Variants in SCN4B observed in about 807,000 individuals in gnomAD.
SCN4B encodes the protein sodium channel regulatory subunit beta-4.
In SCN4B, 20 loss-of-function variants were observed where a neutral mutation model predicts 19.6. That is an observed-to-expected ratio of 1.02 (90% CI 0.72 to 1.48). The LOEUF is 1.48. Ranked by LOEUF, SCN4B falls within the 40% of genes most tolerant of loss-of-function variation. The probability of loss-of-function intolerance (pLI) is 0.00; values close to 1 mark genes in which losing one functional copy is unlikely to be tolerated. For synonymous variants in SCN4B, 127 were observed against 122.8 expected (o/e 1.03, Z -0.22); for missense variants, 271 against 287.5 (o/e 0.94, Z 0.42).
rs1161432226 is a variant in SCN4B at position 118,135,521 on chromosome 11, C to T, written c.*1506G>A. On this transcript the variant is annotated 3_prime_UTR_variant, in exon 5 of 5. Coordinates refer to ENST00000324727, the MANE Select transcript of SCN4B (RefSeq NM_174934.4). ...CACTTTTCCCTGCCATCCCTGGCCT[C>T]ACCAATTCTGCCCAACAAGGACTCA... 1 of 454,082 alleles carries T rather than the reference C, an allele frequency of 2.2e-6. No individual in the cohort carries two copies. Among genetic ancestry groups the T allele is most frequent in the Admixed American group, 2.3e-5 (1 of 42,574 alleles). The allele number at this position is 454,082 out of a possible 1,614,324, so 28.1% of individuals were successfully genotyped here.
intron 4 of SCN4B, 85 bp downstream of exon 4, chr11:118,141,122 C>A: frequency 6.7e-7 from 1 of 1,501,012 alleles, no homozygotes; most frequent in Non-Finnish European, 9.2e-7. Flanking sequence ...AAGGAGGAGG[C>A]AGGTGGAAGG....
In SCN4B at chr11:118,135,320, A is replaced by G. The variant is rs941482296; in HGVS notation, c.*1707T>C. The stretch of plus-strand genomic sequence containing the variant: ...CTGGTCCTCAGTCTCCCCCCACTCC[A>G]CCCTTGCGAGGCTTGCAGCTGCTTT... On this transcript the variant is annotated 3_prime_UTR_variant, in exon 5 of 5. Coordinates refer to ENST00000324727, the MANE Select transcript of SCN4B (RefSeq NM_174934.4). The G allele has an allele frequency of 1.8e-5, 8 of 453,444 alleles. No individual in the cohort carries two copies. The highest frequency in any genetic ancestry group is 1.6e-4 in the African/African-American group (8 of 49,754). 28.1% of individuals were successfully genotyped at this position (453,444 alleles called of 1,614,324 possible). A position where few individuals can be genotyped will look rare whatever the true frequency, so the allele number is the denominator to read the frequency against.
rs561265492 is a variant in SCN4B at position 118,135,587 on chromosome 11, G to A, written c.*1440C>T. 56 of 454,096 alleles carry A rather than the reference G, an allele frequency of 1.2e-4. No individual in the cohort carries two copies. Among genetic ancestry groups the A allele is most frequent in the African/African-American group, 1.1e-3 (53 of 50,088 alleles). 28.1% of individuals were successfully genotyped at this position (454,096 alleles called of 1,614,324 possible). ...AACATCACCACCTCCCCCTAGGGCAGGCTAGAAACCCCAATGGGAGCACCT... is the reference window on the plus strand; with the variant it reads ...AACATCACCACCTCCCCCTAGGGCAAGCTAGAAACCCCAATGGGAGCACCT... On this transcript the variant is annotated 3_prime_UTR_variant, in exon 5 of 5. Transcript: ENST00000324727.
At chr11:118,145,355 C>G in intron 1 of SCN4B, 126 bp from the exon 2 acceptor site, 1 of 1,543,076 alleles carries the variant, frequency 6.5e-7, no homozygotes, top group Admixed American at 1.9e-5. Context: ...GTGCCAACCT[C>G]GGGAGGATGG....
rs575624562 is a variant in SCN4B, at chr11:118,145,708, G to C, written c.62-479C>G. ...GCGGGGCGGTCGAGGAGGGGGAAGA[G>C]CCGGGTCCCGTAAGGTGAAGAAGAG... On this transcript the variant is annotated intron_variant, in intron 1 of 4. Coordinates refer to ENST00000324727, the MANE Select transcript of SCN4B (RefSeq NM_174934.4). The C allele has an allele frequency of 4.5e-5, 14 of 308,758 alleles. No homozygotes were observed. The East Asian group carries it at 1.2e-3, about 26-fold the overall frequency. The allele number at this position is 308,758 out of a possible 1,614,324, so 19.1% of individuals were successfully genotyped here.
intron 3 of SCN4B, 90 bp downstream of exon 3, chr11:118,143,743 G>A (rs546231686): frequency 2.7e-5 from 23 of 864,720 alleles, no homozygotes; most frequent in Non-Finnish European, 3.9e-5. Flanking sequence ...ACACCAACAC[G>A]GTCCATTTTG....
At chr11:118,150,152 T>C (rs1182689457) in intron 1 of SCN4B, among the ~76,000 whole-genome samples, 1 of 152,028 alleles carries the variant, frequency 6.6e-6, no homozygotes, top group Non-Finnish European at 1.5e-5. Flanking sequence ...TAAACACAGA[T>C]CACAGCAATT....
At position 118,136,881 on chromosome 11, in the gene SCN4B, G is replaced by A. The variant is rs911878549; in HGVS notation, c.*146C>T. ...GGGAAGGGGATGGGCAGGCTGGGCA[G>A]GACTCTGGTTTCTTGTGCCCGGAAA... On this transcript the variant is annotated 3_prime_UTR_variant, in exon 5 of 5. Coordinates refer to ENST00000324727, the MANE Select transcript of SCN4B (RefSeq NM_174934.4). 1.3e-5 allele frequency: 9 copies of A among 707,264 alleles called. No homozygotes were observed. Among genetic ancestry groups the A allele is most frequent in the Non-Finnish European group, 2.3e-5 (9 of 387,738 alleles). The allele number at this position is 707,264 out of a possible 1,614,324, so 43.8% of individuals were successfully genotyped here.
In SCN4B at chr11:118,141,256, G is replaced by C. The variant is rs771565684; in HGVS notation, c.544C>G (p.Leu182Val). Residue 182 changes from leucine to valine, a missense_variant, in exon 4 of 5, where the codon CTG becomes GTG. Transcript: ENST00000324727. ...GVIGLLILIL[L>V]IKKLIIFILK... is the part of the protein sequence containing the mutation. ...ATGAAGATGATGAGTTTCTTGATCAGCAGGATGAGGATGAGGAGCCCGATG... is the reference window on the plus strand; with the variant it reads ...ATGAAGATGATGAGTTTCTTGATCACCAGGATGAGGATGAGGAGCCCGATG... The C allele has an allele frequency of 3.7e-6, 6 of 1,612,908 alleles. No homozygotes were observed. The highest frequency in any genetic ancestry group is 5.1e-6 in the Non-Finnish European group (6 of 1,179,996).
chr11:118,136,550 C>A lies in SCN4B; in HGVS notation c.*477G>T. 1 of 454,222 alleles carries A rather than the reference C, an allele frequency of 2.2e-6. No homozygotes were observed. The highest frequency in any genetic ancestry group is 4.4e-6 in the Non-Finnish European group (1 of 226,904). The allele number at this position is 454,222 out of a possible 1,614,324, so 28.1% of individuals were successfully genotyped here. On this transcript the variant is annotated 3_prime_UTR_variant, in exon 5 of 5. Transcript: ENST00000324727. ...TGGGCCTGCCCCCATCAGCCCCCAC[C>A]CCAGGTCTTCTCCAGAGGCCTCCAG...
At chr11:118,152,219 C>T (rs924766956) in intron 1 of SCN4B, among the ~76,000 whole-genome samples, 5 of 152,050 alleles carry the variant, frequency 3.3e-5, no homozygotes, top group Non-Finnish European at 7.4e-5. Flanking sequence ...GGGATGGAAA[C>T]CACCATTCCA....
chr11:118,140,483 T>C (rs1210860925), intron 4 of SCN4B, among the ~76,000 whole-genome samples: 2 of 152,236 alleles, frequency 1.3e-5, no homozygotes, highest in African/African-American at 4.8e-5. Context: ...TCTGTTCCAA[T>C]GGGAAGCCAT....
At chr11:118,150,062 A>G (rs945008277) in intron 1 of SCN4B, among the ~76,000 whole-genome samples, 1 of 152,018 alleles carries the variant, frequency 6.6e-6, no homozygotes, top group African/African-American at 2.4e-5. Context: ...CCTTAATTGC[A>G]TTCTCATTAA....
At position 118,133,568 on chromosome 11, in the gene SCN4B, T is replaced by C; in HGVS notation, c.*3459A>G. 2 of 454,508 alleles carry C rather than the reference T, an allele frequency of 4.4e-6. No homozygotes were observed. Among genetic ancestry groups the C allele is most frequent in the Non-Finnish European group, 8.8e-6 (2 of 226,800 alleles). The allele number at this position is 454,508 out of a possible 1,614,324, so 28.2% of individuals were successfully genotyped here. A position where few individuals can be genotyped will look rare whatever the true frequency, so the allele number is the denominator to read the frequency against. On this transcript the variant is annotated 3_prime_UTR_variant, in exon 5 of 5. Coordinates refer to ENST00000324727, the MANE Select transcript of SCN4B (RefSeq NM_174934.4). ...CCTCCCAAGGCCTGTTGTTGCATCA[T>C]TTGATCTATAGTTACATAGGAAAAT...
intron 1 of SCN4B, among the ~76,000 whole-genome samples, chr11:118,151,611 A>G (rs956087910): frequency 1.3e-4 from 20 of 152,252 alleles, no homozygotes; most frequent in African/African-American, 4.3e-4. Flanking sequence ...TCGCAGAAAC[A>G]GTAGCCACTT....
chr11:118,152,480 A>G, intron 1 of SCN4B, 133 bp downstream of exon 1: 1 of 739,466 alleles, frequency 1.4e-6, no homozygotes, highest in Non-Finnish European at 2.3e-6. Context: ...CCAGGCAGGA[A>G]GCCGGCGGCC....
At chr11:118,152,505 G>A (rs977512520) in intron 1 of SCN4B, 108 bp downstream of exon 1, 3 of 937,656 alleles carry the variant, frequency 3.2e-6, no homozygotes, top group Non-Finnish European at 5.1e-6. Flanking sequence ...TCCTCATTCC[G>A]TGCCGCACTC....
intron 1 of SCN4B, among the ~76,000 whole-genome samples, chr11:118,147,112 G>A (rs1012621211): frequency 2.6e-5 from 4 of 152,212 alleles, no homozygotes; most frequent in Non-Finnish European, 4.4e-5. Flanking sequence ...AAAGTTCCCA[G>A]GGAATGCTGT....
chr11:118,141,628 A>C, intron 3 of SCN4B: 1 of 482,436 alleles, frequency 2.1e-6, no homozygotes, highest in Admixed American at 3.5e-5. Context: ...GGAGCCTATA[A>C]CACTCAAGTT....
Sources: allele counts gnomAD v4.1 joint callset (sites outside exome capture counted in the v4.1 genomes callset), GRCh38; gene constraint gnomAD v4.1.1; transcripts MANE v1.5; gene names NCBI Gene and HGNC (gene_info 2026-07-23, HGNC 2026-07-21).